Variants in SGCD observed in about 807,000 individuals in gnomAD.
SGCD encodes delta-sarcoglycan.
Under a neutral mutation model 36.6 loss-of-function variants are expected in SGCD, and 18 were observed. That is an observed-to-expected ratio of 0.49 (90% CI 0.34 to 0.73). The LOEUF (loss-of-function observed/expected upper bound fraction) is 0.73. Ranked by LOEUF, SGCD falls within the 30% of genes least tolerant of loss-of-function variation. The probability of loss-of-function intolerance (pLI) is 0.01; values close to 1 mark genes in which losing one functional copy is unlikely to be tolerated. For missense variants in SGCD, 387 were observed against 346.7 expected (o/e 1.12, Z -0.92); for synonymous variants, 133 against 130.6 (o/e 1.02, Z -0.12).
At position 156,457,707 on chromosome 5, in the gene SGCD, C is replaced by T. The variant is rs181673059; in HGVS notation, c.193-50894C>T. On this transcript the variant is annotated intron_variant, in intron 3 of 8. Coordinates refer to ENST00000337851, the MANE Select transcript of SGCD (RefSeq NM_000337.6). ...TGAAAGCTGAATCCTTTCCCTATGC[C>T]GCTCATAGTAAGGACAGAAAAATGT... Among the ~76,000 whole-genome samples, 370 of 152,254 alleles carry T rather than the reference C, an allele frequency of 2.4e-3. 1 individual carries two copies. The highest frequency in any genetic ancestry group is 0.01 in the Middle Eastern group (3 of 294).
At chr5:156,686,269 G>A (rs563643811) in intron 7 of SGCD, among the ~76,000 whole-genome samples, 4 of 152,088 alleles carry the variant, frequency 2.6e-5, no homozygotes, top group Non-Finnish European at 5.9e-5. Context: ...GCTGCCATTC[G>A]AATTCAGGTT....
At chr5:156,580,944 C>A (rs1760228462) in intron 4 of SGCD, among the ~76,000 whole-genome samples, 1 of 152,242 alleles carries the variant, frequency 6.6e-6, no homozygotes, top group Admixed American at 6.5e-5. Context: ...TTTTCCGTTG[C>A]TGGTGAGGAG....
chr5:155,798,310 A>T, the SGCD span, among the ~76,000 whole-genome samples: 5 of 152,340 alleles, frequency 3.3e-5, no homozygotes, highest in East Asian at 9.6e-4. Context: ...GAATGAAGTG[A>T]CACCAAGTAT....
At chr5:156,443,774 G>GCTT (rs1025842684) in intron 3 of SGCD, among the ~76,000 whole-genome samples, 4 of 152,092 alleles carry the variant, frequency 2.6e-5, no homozygotes, top group Admixed American at 2.6e-4. Flanking sequence ...TCATGAAATA[G>GCTT]CTTCTAGATT....
At chr5:156,098,632 A>T (rs533553898) in intron 1 of SGCD, among the ~76,000 whole-genome samples, 1 of 124,316 alleles carries the variant, frequency 8.0e-6, no homozygotes, top group Non-Finnish European at 1.6e-5. Context: ...TTTATGTTGC[A>T]TGTGTATACA....
At chr5:156,626,555 A>G (rs1762448376) in intron 6 of SGCD, among the ~76,000 whole-genome samples, 1 of 152,128 alleles carries the variant, frequency 6.6e-6, no homozygotes, top group Non-Finnish European at 1.5e-5. Context: ...GTGTGAGCAC[A>G]ATGACCTATT....
At chr5:156,576,464 G>A (rs1220639634) in intron 4 of SGCD, among the ~76,000 whole-genome samples, 3 of 152,238 alleles carry the variant, frequency 2.0e-5, no homozygotes, top group Admixed American at 6.5e-5. Context: ...TGAGTCAAAC[G>A]GTATTTCTAG....
the SGCD span, among the ~76,000 whole-genome samples, chr5:155,846,813 C>T: frequency 6.6e-6 from 1 of 151,990 alleles, no homozygotes; most frequent in African/African-American, 2.4e-5. Flanking sequence ...CTTCTAAGAC[C>T]CTATCATATT....
At chr5:156,275,693 T>C (rs77453609) in intron 3 of SGCD, among the ~76,000 whole-genome samples, 2,127 of 152,250 alleles carry the variant, frequency 0.014, 23 homozygotes, top group Non-Finnish European at 0.024. Context: ...CCTGAGATGG[T>C]ATGCTTTGAA....
chr5:156,447,461 ATCAAAAT>A (rs1263674228), intron 3 of SGCD, among the ~76,000 whole-genome samples: 2 of 152,166 alleles, frequency 1.3e-5, no homozygotes, highest in African/African-American at 4.8e-5. Flanking sequence ...TGTTGCCTTA[ATCAAAAT>A]TCATCTTTCT....
intron 1 of SGCD, among the ~76,000 whole-genome samples, chr5:155,961,655 C>A (rs1242955079): frequency 6.6e-6 from 1 of 152,030 alleles, no homozygotes; most frequent in Non-Finnish European, 1.5e-5. Context: ...CAATTAAGAG[C>A]CAGAGTTATC....
chr5:156,637,954 G>A (rs943295349), intron 6 of SGCD, among the ~76,000 whole-genome samples: 10 of 151,564 alleles, frequency 6.6e-5, no homozygotes, highest in East Asian at 1.9e-4. Context: ...TTCATCTCTC[G>A]TAAATGATTT....
At chr5:155,797,651 T>C in the SGCD span, among the ~76,000 whole-genome samples, 2 of 152,224 alleles carry the variant, frequency 1.3e-5, no homozygotes, top group Non-Finnish European at 2.9e-5. Context: ...ACCCGAGTTC[T>C]AATTTTGGCT....
chr5:156,556,172 T>C (rs1449836023), intron 4 of SGCD, among the ~76,000 whole-genome samples: 4 of 150,828 alleles, frequency 2.7e-5, no homozygotes, highest in Non-Finnish European at 4.4e-5. Flanking sequence ...TCAGTCTTTA[T>C]GAACTCATTT....
intron 3 of SGCD, among the ~76,000 whole-genome samples, chr5:156,379,439 G>T (rs1280786400): frequency 6.6e-6 from 1 of 152,148 alleles, no homozygotes; most frequent in Non-Finnish European, 1.5e-5. Context: ...CATATGGATG[G>T]TGTGTTCAAG....
the SGCD span, among the ~76,000 whole-genome samples, chr5:155,730,571 G>T: frequency 6.6e-6 from 1 of 151,788 alleles, no homozygotes; most frequent in Non-Finnish European, 1.5e-5. Flanking sequence ...TAGGAGGTTG[G>T]TTGGCTTTGG....
intron 3 of SGCD, among the ~76,000 whole-genome samples, chr5:156,406,018 T>TAAAAAAAAAAAAAAA (rs10529406): frequency 4.8e-5 from 5 of 103,974 alleles, no homozygotes; most frequent in South Asian, 4.1e-4. Context: ...TATCTTTGCT[T>TAAAAAAAAAAAAAAA]AAAAAAAAAA....
chr5:156,349,387 A>T (rs944601404), intron 3 of SGCD, among the ~76,000 whole-genome samples: 1 of 151,306 alleles, frequency 6.6e-6, no homozygotes, highest in African/African-American at 2.5e-5. Flanking sequence ...TCGATAAGGA[A>T]CTCTAAACAA....
At chr5:156,161,173 G>C (rs1581138249) in intron 3 of SGCD, among the ~76,000 whole-genome samples, 1 of 151,656 alleles carries the variant, frequency 6.6e-6, no homozygotes, top group African/African-American at 2.4e-5. Flanking sequence ...GGGAATCAAT[G>C]CACGAACATA....
Sources: allele counts gnomAD v4.1 joint callset (sites outside exome capture counted in the v4.1 genomes callset), GRCh38; gene constraint gnomAD v4.1.1; transcripts MANE v1.5; gene names NCBI Gene and HGNC (gene_info 2026-07-23, HGNC 2026-07-21).